ZFAND3: variants seen among roughly 807,000 people sequenced by gnomAD.
ZFAND3 encodes the protein zinc finger AN1-type containing 3, also known as AN1-type zinc finger protein 3.
A neutral mutation model predicts 29.6 loss-of-function variants in ZFAND3; 10 were observed. The ratio of observed to expected loss-of-function variants is 0.34; its 90% CI spans 0.21 to 0.57. The LOEUF (loss-of-function observed/expected upper bound fraction) is 0.57, where lower values mean the gene tolerates loss of function less well. Ranked by LOEUF, ZFAND3 falls within the 20% of genes least tolerant of loss-of-function variation. The probability of loss-of-function intolerance (pLI) is 0.86; values close to 1 mark genes in which losing one functional copy is unlikely to be tolerated. For synonymous variants in ZFAND3, 128 were observed against 112.6 expected (o/e 1.14, Z -0.87); for missense variants, 230 against 304.5 (o/e 0.76, Z 1.82).
At chr6:38,128,095 C>T (rs1320555517) in intron 5 of ZFAND3, among the ~76,000 whole-genome samples, 2 of 152,152 alleles carry the variant, frequency 1.3e-5, no homozygotes, top group African/African-American at 4.8e-5. Flanking sequence ...CCAAATAAGG[C>T]CAGTTATGGC....
intron 2 of ZFAND3, among the ~76,000 whole-genome samples, chr6:38,032,893 A>G (rs1030788151): frequency 6.6e-6 from 1 of 152,230 alleles, no homozygotes; most frequent in Non-Finnish European, 1.5e-5. Context: ...ACTAAAATGT[A>G]AAGATAAGTT....
intron 2 of ZFAND3, among the ~76,000 whole-genome samples, chr6:38,047,655 AT>A (rs1429953520): frequency 6.6e-6 from 1 of 152,080 alleles, no homozygotes; most frequent in East Asian, 1.9e-4. Flanking sequence ...TTAATGAAAA[AT>A]TTATTTGGCT....
At position 38,144,210 on chromosome 6, in the gene ZFAND3, TAATATATAATATATATATA is replaced by T. The variant is rs1562016073; in HGVS notation, c.530-8024_530-8006del. On this transcript the variant is annotated intron_variant, in intron 5 of 5. Transcript: ENST00000287218. ...ATATATATATATATATATATATATATAATATATAATATATATATATATTTTTTTTTTAATAAGGTTGCTT... is the reference window on the plus strand; with the variant it reads ...ATATATATATATATATATATATATATTATTTTTTTTTTAATAAGGTTGCTT... Among the ~76,000 whole-genome samples, 55 of 37,056 alleles carry T rather than the reference TAATATATAATATATATATA, an allele frequency of 1.5e-3. 3 individuals carry two copies. The highest frequency in any genetic ancestry group is 6.6e-3 in the African/African-American group (45 of 6,864). 24.3% of individuals were successfully genotyped at this position (37,056 alleles called of 152,430 possible).
chr6:37,885,517 G>A (rs964170062), intron 1 of ZFAND3, among the ~76,000 whole-genome samples: 33 of 152,218 alleles, frequency 2.2e-4, no homozygotes, highest in African/African-American at 7.7e-4. Flanking sequence ...GGTGGCATAC[G>A]CCTGTAATCC....
At chr6:38,119,284 G>T (rs1765482121) in intron 5 of ZFAND3, among the ~76,000 whole-genome samples, 1 of 152,148 alleles carries the variant, frequency 6.6e-6, no homozygotes, top group African/African-American at 2.4e-5. Context: ...CCTTGAGGAT[G>T]CATGGATGTT....
At chr6:38,042,558 C>T (rs1313927819) in intron 2 of ZFAND3, among the ~76,000 whole-genome samples, 1 of 152,038 alleles carries the variant, frequency 6.6e-6, no homozygotes, top group Non-Finnish European at 1.5e-5. Flanking sequence ...AAGTGATCCA[C>T]CTGCCTCAGC....
chr6:38,103,439 GTGTA>G (rs1239196419), intron 4 of ZFAND3, among the ~76,000 whole-genome samples: 6 of 44,556 alleles, frequency 1.3e-4, no homozygotes, highest in East Asian at 2.0e-3. Context: ...ATATATACAC[GTGTA>G]TATATATACA....
chr6:37,820,218 G>C (rs1036126277), intron 1 of ZFAND3, among the ~76,000 whole-genome samples: 1 of 152,100 alleles, frequency 6.6e-6, no homozygotes, highest in African/African-American at 2.4e-5. Context: ...CCCTGCCGGG[G>C]GTGCGTTGCT....
At chr6:38,006,253 A>G (rs778730743) in intron 2 of ZFAND3, among the ~76,000 whole-genome samples, 1 of 152,170 alleles carries the variant, frequency 6.6e-6, no homozygotes, top group Non-Finnish European at 1.5e-5. Flanking sequence ...GTAATGTTTA[A>G]TAACAGGATA....
At chr6:38,064,964 C>G (rs1453402824) in intron 3 of ZFAND3, among the ~76,000 whole-genome samples, 1 of 152,088 alleles carries the variant, frequency 6.6e-6, no homozygotes, top group Non-Finnish European at 1.5e-5. Context: ...TGGCTTCATC[C>G]ACATGGAGAT....
chr6:37,915,066 G>T (rs552514981), intron 1 of ZFAND3, among the ~76,000 whole-genome samples: 16 of 152,288 alleles, frequency 1.1e-4, no homozygotes, highest in Non-Finnish European at 2.4e-4. Context: ...TGGATAACTT[G>T]TTCCAGCTTG....
chr6:38,120,454 T>G (rs947730333), intron 5 of ZFAND3, among the ~76,000 whole-genome samples: 4 of 149,872 alleles, frequency 2.7e-5, no homozygotes, highest in Non-Finnish European at 5.9e-5. Flanking sequence ...GCCTCCCTAG[T>G]AGCTGGGACT....
At position 37,896,547 on chromosome 6, in the gene ZFAND3, TTTCTTTC is replaced by T. The variant is rs1385881817; in HGVS notation, c.72-33409_72-33403del. ...CTTTCTTTCTTTCTTTCTTTCTTTC[TTTCTTTC>T]TTTCTTTCTTTCTTTCTCTCTTTCT... On this transcript the variant is annotated intron_variant, in intron 1 of 5. Coordinates refer to ENST00000287218, the MANE Select transcript of ZFAND3 (RefSeq NM_021943.3). Among the ~76,000 whole-genome samples, 11 of 129,228 alleles carry T rather than the reference TTTCTTTC, an allele frequency of 8.5e-5. No individual in the cohort carries two copies. In the South Asian group the frequency reaches 1.2e-3, roughly 14 times the overall value. 84.8% of individuals were successfully genotyped at this position (129,228 alleles called of 152,430 possible).
At chr6:37,957,903 A>T (rs536647032) in intron 2 of ZFAND3, among the ~76,000 whole-genome samples, 1 of 152,298 alleles carries the variant, frequency 6.6e-6, no homozygotes, top group South Asian at 2.1e-4. Flanking sequence ...TGTGTGTGAC[A>T]TATAGGGTGT....
chr6:38,083,428 C>T (rs1764700831), intron 4 of ZFAND3, among the ~76,000 whole-genome samples: 1 of 152,006 alleles, frequency 6.6e-6, no homozygotes, highest in Admixed American at 6.6e-5. Context: ...CCTCTTGTGC[C>T]CGGTTCCCAA....
intron 4 of ZFAND3, among the ~76,000 whole-genome samples, chr6:38,089,215 C>T (rs1016653696): frequency 3.9e-5 from 6 of 151,990 alleles, no homozygotes; most frequent in Non-Finnish European, 7.4e-5. Flanking sequence ...CTCTGTCTCC[C>T]GGGTTCAAGT....
intron 2 of ZFAND3, among the ~76,000 whole-genome samples, chr6:38,019,614 T>C (rs967642435): frequency 1.3e-5 from 2 of 152,236 alleles, no homozygotes; most frequent in East Asian, 3.8e-4. Flanking sequence ...GGTTGTCCCT[T>C]AGAAAAATTT....
intron 2 of ZFAND3, among the ~76,000 whole-genome samples, chr6:38,008,214 A>C (rs1763083718): frequency 6.6e-6 from 1 of 152,216 alleles, no homozygotes; most frequent in Non-Finnish European, 1.5e-5. Context: ...ATAGCAATTA[A>C]GACTAGCCTT....
At chr6:38,049,492 G>A (rs1488602967) in intron 2 of ZFAND3, among the ~76,000 whole-genome samples, 1 of 152,200 alleles carries the variant, frequency 6.6e-6, no homozygotes, top group Non-Finnish European at 1.5e-5. Flanking sequence ...TTGAACTCAG[G>A]CAGTCTGGTT....
Sources: gnomAD v4.1 joint callset for allele counts (sites outside exome capture counted in the v4.1 genomes callset) on GRCh38, gnomAD v4.1.1 for gene constraint, MANE v1.5 for transcripts, NCBI Gene and HGNC (gene_info 2026-07-23, HGNC 2026-07-21) for gene names.